Variants in ITIH5 observed in about 807,000 individuals in gnomAD.
ITIH5 encodes inter-alpha-trypsin inhibitor heavy chain 5.
Under a neutral mutation model 77.5 loss-of-function variants are expected in ITIH5, and 65 were observed. The ratio of observed to expected loss-of-function variants is 0.84; its 90% CI spans 0.69 to 1.03. ITIH5 has a LOEUF of 1.03. Ranked by LOEUF, ITIH5 falls within the 50% of genes least tolerant of loss-of-function variation. The probability of loss-of-function intolerance (pLI) is 0.00; values close to 1 mark genes in which losing one functional copy is unlikely to be tolerated. For synonymous variants in ITIH5, 525 were observed against 494.3 expected, an observed-to-expected ratio of 1.06 and a Z score of -0.82; for missense variants, 1,208 against 1,213.1, an observed-to-expected ratio of 1.00 and a Z score of 0.06.
chr10:7,576,895 G>T lies in ITIH5; in HGVS notation c.1536C>A (p.Ile512=). Reference sequence around the variant, plus strand: ...TGTCCACCAGCTTCCCCGCAATGATGATCTCCGAGCCGTTGAAGTAGTTGG... The same window carrying T: ...TGTCCACCAGCTTCCCCGCAATGATTATCTCCGAGCCGTTGAAGTAGTTGG... ...LFPNYFNGSE[I]IIAGKLVDRK... is the part of the protein sequence containing the mutation. The change falls in exon 10 of 14, where the codon ATC becomes ATA. Residue 512 remains isoleucine, a synonymous_variant. Transcript: ENST00000397146. 1 of 1,614,148 alleles carries T rather than the reference G, an allele frequency of 6.2e-7. No homozygotes were observed.
At chr10:7,644,939 C>T (rs1833986358) in intron 2 of ITIH5, among the ~76,000 whole-genome samples, 1 of 17,248 alleles carries the variant, frequency 5.8e-5, no homozygotes, top group South Asian at 2.3e-3. Flanking sequence ...ATATATATCA[C>T]ATATATATAT....
chr10:7,626,898 A>G (rs1833588218), intron 5 of ITIH5, among the ~76,000 whole-genome samples: 1 of 152,182 alleles, frequency 6.6e-6, no homozygotes, highest in Non-Finnish European at 1.5e-5. Context: ...TAACAACATA[A>G]GTGCTAGACC....
intron 5 of ITIH5, chr10:7,622,542 C>A (rs1318715129): frequency 6.6e-6 from 1 of 151,690 alleles, no homozygotes; most frequent in Non-Finnish European, 1.5e-5. Flanking sequence ...GAAAAAAATG[C>A]TCTTGGATAA....
rs755794082 is a variant in ITIH5, at chr10:7,642,060, C to G, written c.166G>C (p.Val56Leu). The stretch of plus-strand genomic sequence containing the variant: ...TAACGGGAAATGATGGTAGACTTCA[C>G]TGAGAATTCTGTCATCAAAGGTTTG... ...KTKPLMTEFS[V>L]KSTIISRYAF... is the part of the protein sequence containing the mutation. The change falls in exon 3 of 14, where the codon GTG (valine) becomes CTG (leucine). Residue 56 changes from valine (V) to leucine (L), a missense_variant. Transcript: ENST00000397146. The G allele has an allele frequency of 6.2e-7, 1 of 1,613,870 alleles. No individual in the cohort carries two copies. The highest frequency in any genetic ancestry group is 1.3e-5 in the African/African-American group (1 of 74,884).
At chr10:7,582,089 C>G (rs182841173) in intron 8 of ITIH5, among the ~76,000 whole-genome samples, 9 of 151,988 alleles carry the variant, frequency 5.9e-5, no homozygotes, top group South Asian at 2.1e-4. Context: ...GTTGGCCAGG[C>G]TGGTCTTGAT....
intron 8 of ITIH5, among the ~76,000 whole-genome samples, chr10:7,582,555 A>T (rs535620830): frequency 2.6e-5 from 4 of 152,288 alleles, no homozygotes; most frequent in African/African-American, 9.6e-5. Context: ...GAGTTTGATG[A>T]CCATCACCAC....
chr10:7,637,370 G>C lies in ITIH5; in HGVS notation c.510C>G (p.Tyr170Ter), dbSNP rs1365667076. 5 of 1,614,106 alleles carry C rather than the reference G, an allele frequency of 3.1e-6. No homozygotes were observed. The highest frequency in any genetic ancestry group is 4.5e-5 in the East Asian group (2 of 44,896). ...EELLQRRLGK[Y>*]EHSISVRPQQ... ...GGGGCCGCACGCTGATGCTGTGCTC[G>C]TACTTGCCCAGGCGCCTCTGCAGAA... Residue 170 changes from tyrosine (Y) to a stop codon, truncating the protein, a stop_gained, in exon 5 of 14, where the codon TAC (tyrosine) becomes TAG (stop). Coordinates refer to ENST00000397146, the MANE Select transcript of ITIH5 (RefSeq NM_030569.7). LOFTEE classifies it high-confidence loss of function.
At position 7,666,936 on chromosome 10, in the gene ITIH5, G is replaced by A. The variant is rs777087507; in HGVS notation, c.-44C>T. On this transcript the variant is annotated 5_prime_UTR_variant, in exon 1 of 14. Transcript: ENST00000397146. ...GACGCTCGGGGACCCGGCGGGACAC[G>A]CTTTGCAGCGCCCAGGGCTCCAGCC... 4 of 1,489,252 alleles carry A rather than the reference G, an allele frequency of 2.7e-6. No individual in the cohort carries two copies. Among genetic ancestry groups the A allele is most frequent in the Middle Eastern group, 2.0e-4 (1 of 4,942 alleles). The allele number at this position is 1,489,252 out of a possible 1,614,324, so 92.3% of individuals were successfully genotyped here. A position where few individuals can be genotyped will look rare whatever the true frequency, so the allele number is the denominator to read the frequency against.
At chr10:7,610,126 C>G (rs1833215378) in intron 7 of ITIH5, among the ~76,000 whole-genome samples, 1 of 129,296 alleles carries the variant, frequency 7.7e-6, no homozygotes, top group Non-Finnish European at 1.6e-5. Flanking sequence ...GAAGTTTTAG[C>G]TCAAACTGGG....
In ITIH5 at chr10:7,567,377, T is replaced by C. The variant is rs565480104; in HGVS notation, c.2150-970A>G. Among the ~76,000 whole-genome samples, 418 of 150,410 alleles carry C rather than the reference T, an allele frequency of 2.8e-3. 4 individuals carry two copies. The highest frequency in any genetic ancestry group is 9.7e-3 in the African/African-American group (397 of 41,102). On this transcript the variant is annotated intron_variant, in intron 12 of 13. Coordinates refer to ENST00000397146, the MANE Select transcript of ITIH5 (RefSeq NM_030569.7). ...ATTATACTTTAGGTTTTAGAGTACATGTGCCCAACGTGCAGGTTTGTTACA... is the reference window on the plus strand; with the variant it reads ...ATTATACTTTAGGTTTTAGAGTACACGTGCCCAACGTGCAGGTTTGTTACA...
Position 7,559,808 on chromosome 10 carries a change from G to A in ITIH5, c.*3275C>T, listed in dbSNP as rs7074077. ...TGGCCATCTTCTCATCGTATCCCCA[G>A]GTGGTGGAGAGGAAAAACACCATCT... On this transcript the variant is annotated 3_prime_UTR_variant, in exon 14 of 14. Transcript: ENST00000397146. 3 of 454,222 alleles carry A rather than the reference G, an allele frequency of 6.6e-6. No homozygotes were observed. Among genetic ancestry groups the A allele is most frequent in the East Asian group, 7.0e-5 (1 of 14,294 alleles). The allele number at this position is 454,222 out of a possible 1,614,324, so 28.1% of individuals were successfully genotyped here.
At chr10:7,581,904 C>A (rs1832565745) in intron 8 of ITIH5, among the ~76,000 whole-genome samples, 1 of 123,968 alleles carries the variant, frequency 8.1e-6, no homozygotes, top group Non-Finnish European at 1.6e-5. Context: ...GAGATATAGT[C>A]ATGCTCTTTC....
intron 2 of ITIH5, among the ~76,000 whole-genome samples, chr10:7,650,880 T>C (rs1834088166): frequency 6.6e-6 from 1 of 152,170 alleles, no homozygotes; most frequent in Non-Finnish European, 1.5e-5. Flanking sequence ...AATCACCTAC[T>C]TGTGCTAATA....
intron 8 of ITIH5, among the ~76,000 whole-genome samples, chr10:7,584,058 T>C (rs1373872007): frequency 6.6e-6 from 1 of 152,226 alleles, no homozygotes; most frequent in Non-Finnish European, 1.5e-5. Flanking sequence ...GTTATCTTCA[T>C]TCTACAGATG....
chr10:7,586,147 GC>G, intron 7 of ITIH5, 78 bp from the exon 8 acceptor site: 4 of 725,570 alleles, frequency 5.5e-6, no homozygotes, highest in Admixed American at 4.9e-5. Context: ...AACCGCCCCC[GC>G]CCCCCAGGAA....
At chr10:7,617,395 T>C (rs1287213436) in intron 5 of ITIH5, 113 bp from the exon 6 acceptor site, 2 of 669,866 alleles carry the variant, frequency 3.0e-6, no homozygotes, top group Admixed American at 3.7e-5. Flanking sequence ...CAGGCTTGTA[T>C]TTCACAGGAA....
At chr10:7,569,544 G>T in intron 12 of ITIH5, 124 bp downstream of exon 12, 1 of 598,800 alleles carries the variant, frequency 1.7e-6, no homozygotes, top group Non-Finnish European at 2.9e-6. Context: ...CTTAACCACT[G>T]ACGATACTCA....
At chr10:7,609,583 TA>T in intron 7 of ITIH5, 1 of 415,698 alleles carries the variant, frequency 2.4e-6, no homozygotes, top group South Asian at 1.8e-5. Context: ...GCCCTCATTT[TA>T]ACTTGACTAA....
At chr10:7,638,308 C>G (rs193164291) in intron 4 of ITIH5, among the ~76,000 whole-genome samples, 1 of 152,272 alleles carries the variant, frequency 6.6e-6, no homozygotes, top group East Asian at 1.9e-4. Flanking sequence ...GATAGGCTTT[C>G]TATACTCCTC....
Sources: allele counts gnomAD v4.1 joint callset (sites outside exome capture counted in the v4.1 genomes callset), GRCh38; gene constraint gnomAD v4.1.1; transcripts MANE v1.5; gene names NCBI Gene and HGNC (gene_info 2026-07-23, HGNC 2026-07-21).